The following ANO3 variants were observed in gnomAD, a reference collection of about 807,000 sequenced individuals.
ANO3 encodes the protein anoctamin-3.
In ANO3, 99 loss-of-function variants were observed where a neutral mutation model predicts 144.8. That is an observed-to-expected ratio of 0.68 (90% confidence interval 0.58 to 0.81). The LOEUF (loss-of-function observed/expected upper bound fraction) is 0.81, where lower values mean the gene tolerates loss of function less well. Ranked by LOEUF, ANO3 falls within the 30% of genes least tolerant of loss-of-function variation. The probability of loss-of-function intolerance (pLI) is 0.00; values close to 1 mark genes in which losing one functional copy is unlikely to be tolerated. For missense variants in ANO3, 905 were observed against 1,202.2 expected (o/e 0.75, Z 3.66); for synonymous variants, 414 against 392.6 (o/e 1.05, Z -0.64).
At chr11:26,364,136 C>T (rs944066523) in intron 1 of ANO3, among the ~76,000 whole-genome samples, 2 of 152,204 alleles carry the variant, frequency 1.3e-5, no homozygotes, top group African/African-American at 2.4e-5. Flanking sequence ...ATGCCACTGA[C>T]TTATGTGGGT....
At chr11:26,390,206 G>A (rs1206824337) in intron 1 of ANO3, among the ~76,000 whole-genome samples, 1 of 152,050 alleles carries the variant, frequency 6.6e-6, no homozygotes, top group Non-Finnish European at 1.5e-5. Flanking sequence ...GCTCCTTTTA[G>A]TGAAGCTTTA....
Position 26,642,225 on chromosome 11 carries a change from C to A in ANO3, c.2275+196C>A, listed in dbSNP as rs189988480. 2.6e-3 allele frequency among the ~76,000 whole-genome samples: 392 copies of A among 152,194 alleles called. 1 individual carries two copies. The highest frequency in any genetic ancestry group is 4.5e-3 in the Non-Finnish European group (304 of 68,016). The stretch of plus-strand genomic sequence containing the variant: ...TTCACATGTTTTATTCTCTGAGAGT[C>A]ATGCATTGACCAAAATGAAAGTTTT... On this transcript the variant is annotated intron_variant, in intron 22 of 26. Transcript: ENST00000256737.
intron 21 of ANO3, among the ~76,000 whole-genome samples, chr11:26,641,336 C>T (rs975388958): frequency 2.0e-5 from 3 of 152,174 alleles, no homozygotes; most frequent in Non-Finnish European, 4.4e-5. Context: ...AAAAATCACA[C>T]GGCTAATGCA....
At chr11:26,278,466 T>A (rs1036801766) in intron 1 of ANO3, among the ~76,000 whole-genome samples, 2 of 152,012 alleles carry the variant, frequency 1.3e-5, no homozygotes, top group Admixed American at 1.3e-4. Context: ...TAAGACTGGG[T>A]TTTTTAAATT....
intron 1 of ANO3, among the ~76,000 whole-genome samples, chr11:26,212,888 T>C (rs1481139420): frequency 6.6e-6 from 1 of 152,012 alleles, no homozygotes; most frequent in Non-Finnish European, 1.5e-5. Flanking sequence ...CTCAATAAAA[T>C]CTTGGCGAAT....
At chr11:26,440,646 A>C (rs2134021606) in intron 1 of ANO3, among the ~76,000 whole-genome samples, 1 of 152,308 alleles carries the variant, frequency 6.6e-6, no homozygotes, top group East Asian at 1.9e-4. Flanking sequence ...GTGGAAGAGA[A>C]AAGAGCCTCC....
intron 8 of ANO3, among the ~76,000 whole-genome samples, chr11:26,532,937 G>GA (rs1457680787): frequency 2.6e-5 from 4 of 152,268 alleles, no homozygotes; most frequent in Non-Finnish European, 5.9e-5. Flanking sequence ...GTAACTCCAT[G>GA]AAAAATTGAA....
chr11:26,192,415 C>A (rs1268708132), intron 1 of ANO3, among the ~76,000 whole-genome samples: 1 of 152,036 alleles, frequency 6.6e-6, no homozygotes, highest in Non-Finnish European at 1.5e-5. Flanking sequence ...ATGTTCTCAA[C>A]ATTCATGTAC....
At chr11:26,397,225 C>T (rs1857039302) in intron 1 of ANO3, among the ~76,000 whole-genome samples, 1 of 152,000 alleles carries the variant, frequency 6.6e-6, no homozygotes, top group Admixed American at 6.6e-5. Flanking sequence ...TACTTAAGTA[C>T]TTTGAACCTC....
At chr11:26,565,554 G>A (rs1479949276) in intron 14 of ANO3, 14 of 1,613,256 alleles carry the variant, frequency 8.7e-6, no homozygotes, top group Non-Finnish European at 1.2e-5. Flanking sequence ...GGTAGATGTG[G>A]GTTTTAGACT....
intron 1 of ANO3, among the ~76,000 whole-genome samples, chr11:26,336,750 A>C (rs10834963): frequency 0.26 from 39,436 of 151,922 alleles, 6,209 homozygotes; most frequent in East Asian, 0.41. Context: ...TAAGAAAAAA[A>C]AACTGGAGCC....
intron 14 of ANO3, among the ~76,000 whole-genome samples, chr11:26,564,724 CACACACACATATATATATATAT>C (rs1333712515): frequency 3.1e-4 from 18 of 57,370 alleles, no homozygotes; most frequent in African/African-American, 4.0e-4. Flanking sequence ...CACACACACA[CACACACACATATATATATATAT>C]ATATATATAT....
chr11:26,253,442 A>G (rs898535904), intron 1 of ANO3, among the ~76,000 whole-genome samples: 2 of 152,088 alleles, frequency 1.3e-5, no homozygotes, highest in Non-Finnish European at 2.9e-5. Flanking sequence ...CAGGAAAAAT[A>G]ACTAATGGTT....
chr11:26,634,204 A>C lies in ANO3; in HGVS notation c.1874A>C (p.Glu625Ala). 6.2e-7 allele frequency: 1 copy of C among 1,609,488 alleles called. No individual in the cohort carries two copies. Among genetic ancestry groups the C allele is most frequent in the Middle Eastern group, 1.7e-4 (1 of 6,048 alleles). Residue 625 changes from glutamate to alanine, a missense_variant and splice_region_variant, in exon 19 of 27, where the codon GAA becomes GCA. Transcript: ENST00000256737. Reference sequence around the variant, plus strand: ...TCAATGCAACCTGTGTTCCTTTTAGAATATCCTCGAACAGAATCAGAGTGG... The same window carrying C: ...TCAATGCAACCTGTGTTCCTTTTAGCATATCCTCGAACAGAATCAGAGTGG... ...EKIAYLLTNL[E>A]YPRTESEWEN... is the part of the protein sequence containing the mutation.
intron 4 of ANO3, among the ~76,000 whole-genome samples, chr11:26,486,431 T>A (rs1860456048): frequency 6.6e-6 from 1 of 151,704 alleles, no homozygotes; most frequent in African/African-American, 2.4e-5. Context: ...AAACTATACA[T>A]TTTTTATATT....
intron 4 of ANO3, among the ~76,000 whole-genome samples, chr11:26,496,017 T>G (rs1177018500): frequency 6.6e-6 from 1 of 152,210 alleles, no homozygotes; most frequent in Non-Finnish European, 1.5e-5. Context: ...ACATTTCAAG[T>G]TAAGTTTATT....
intron 1 of ANO3, among the ~76,000 whole-genome samples, chr11:26,438,592 CAAAAAAAAAAAAAAAAGAAAAAAA>C (rs770849333): frequency 2.8e-5 from 2 of 70,308 alleles, no homozygotes; most frequent in Non-Finnish European, 5.0e-5. Flanking sequence ...ACTAAAAATA[CAAAAAAAAAAAAAAAAGAAAAAAA>C]AAAAAAAAGA....
intron 3 of ANO3, among the ~76,000 whole-genome samples, chr11:26,448,705 G>T (rs1364209116): frequency 6.6e-6 from 1 of 150,884 alleles, no homozygotes; most frequent in Non-Finnish European, 1.5e-5. Context: ...CAGAAATGAG[G>T]GAATTACACT....
At chr11:26,344,093 T>C (rs890163944) in intron 1 of ANO3, among the ~76,000 whole-genome samples, 1 of 152,214 alleles carries the variant, frequency 6.6e-6, no homozygotes, top group African/African-American at 2.4e-5. Context: ...TGAATTTGCA[T>C]TTATTTCTTA....
Sources: gnomAD v4.1 joint callset for allele counts (sites outside exome capture counted in the v4.1 genomes callset) on GRCh38, gnomAD v4.1.1 for gene constraint, MANE v1.5 for transcripts, NCBI Gene and HGNC (gene_info 2026-07-23, HGNC 2026-07-21) for gene names.